The following APC2 variants were observed in gnomAD, a reference collection of about 807,000 sequenced individuals.
APC2 encodes APC regulator of Wnt signaling pathway 2, also known as adenomatous polyposis coli protein 2.
Under a neutral mutation model 72.5 loss-of-function variants are expected in APC2, and 41 were observed. The ratio of observed to expected loss-of-function variants is 0.57; its 90% confidence interval spans 0.44 to 0.73. The LOEUF (loss-of-function observed/expected upper bound fraction) is 0.73, where lower values mean the gene tolerates loss of function less well. APC2 is among the 30% of genes least tolerant of loss of function. APC2 has a pLI of 0.00. For missense variants in APC2, 3,729 were observed against 3,403.4 expected (o/e 1.10, Z -2.38); for synonymous variants, 1,898 against 1,612.0 (o/e 1.18, Z -4.25).
In APC2 at chr19:1,467,210, G is replaced by A. The variant is rs1195572411; in HGVS notation, c.3909G>A (p.Glu1303=). 3 of 1,416,568 alleles carry A rather than the reference G, an allele frequency of 2.1e-6. No individual in the cohort carries two copies. Among genetic ancestry groups the A allele is most frequent in the Admixed American group, 2.7e-5 (1 of 36,810 alleles). 87.7% of individuals were successfully genotyped at this position (1,416,568 alleles called of 1,614,324 possible). A position where few individuals can be genotyped will look rare whatever the true frequency, so the allele number is the denominator to read the frequency against. The part of the protein sequence containing the change: ...ELRLLPSACP[E]RGGGAGGAGL... ...GGCTGCTGCCCTCGGCCTGCCCCGA[G>A]CGCGGCGGGGGCGCCGGGGGCGCCG... The change falls in exon 15 of 15, where the codon GAG becomes GAA. Residue 1303 remains glutamate (E), a synonymous_variant. Transcript: ENST00000590469.
chr19:1,468,020 C>T lies in APC2; in HGVS notation c.4719C>T (p.Thr1573=), dbSNP rs1431895733. ...AGCCCAGCCTCATTGCTGACGAGAC[C>T]CCGCCCTGCTACTCCCTGAGCTCCT... ...RTQPSLIADE[T]PPCYSLSSSA... Residue 1573 remains threonine (T), a synonymous_variant, in exon 15 of 15, where the codon ACC becomes ACT. Transcript: ENST00000590469. 1.3e-6 allele frequency: 2 copies of T among 1,585,864 alleles called. No individual in the cohort carries two copies. The highest frequency in any genetic ancestry group is 1.7e-6 in the Non-Finnish European group (2 of 1,174,844).
intron 1 of APC2, among the ~76,000 whole-genome samples, chr19:1,450,949 C>CT (rs2083735575): frequency 6.6e-6 from 1 of 152,200 alleles, no homozygotes. Flanking sequence ...CCTCCAGCCT[C>CT]TAAGTGAGTC....
intron 10 of APC2, 112 bp downstream of exon 10, chr19:1,458,172 G>A: frequency 1.0e-6 from 1 of 967,702 alleles, no homozygotes; most frequent in South Asian, 1.5e-5. Flanking sequence ...CTGGGGATTG[G>A]AGCCCGGAGA....
Position 1,457,226 on chromosome 19 carries a change from G to T in APC2, c.1190G>T (p.Gly397Val). The stretch of plus-strand genomic sequence containing the variant: ...CAGGCCCGAGACGGCGGGCCCGAGG[G>T]AGGTGGCGCCGGCAGCGGTGAGTGC... ...WLQARDGGPE[G>V]GGAGSAPIPI... is the part of the protein sequence containing the mutation. The change falls in exon 9 of 15, where the codon GGA becomes GTA. Residue 397 changes from glycine (G) to valine (V), a missense_variant. By Grantham distance (109) the Gly-to-Val change is moderately radical (BLOSUM62 -3). Transcript: ENST00000590469. The T allele has an allele frequency of 6.5e-7, 1 of 1,537,760 alleles. No homozygotes were observed.
At position 1,469,638 on chromosome 19, in the gene APC2, G is replaced by A. The variant is rs777432445; in HGVS notation, c.6337G>A (p.Gly2113Ser). The A allele has an allele frequency of 2.4e-5, 30 of 1,230,500 alleles. No individual in the cohort carries two copies. The highest frequency in any genetic ancestry group is 2.9e-5 in the South Asian group (1 of 34,882). The allele number at this position is 1,230,500 out of a possible 1,614,324, so 76.2% of individuals were successfully genotyped here. ...PHISVARRPDGAVPAAPASAD... is the reference protein window; with the variant it reads ...PHISVARRPDSAVPAAPASAD... ...CATCAGCGTGGCCCGCAGGCCCGACGGCGCCGTCCCCGCGGCCCCTGCCTC... is the reference window on the plus strand; with the variant it reads ...CATCAGCGTGGCCCGCAGGCCCGACAGCGCCGTCCCCGCGGCCCCTGCCTC... Residue 2113 changes from glycine (G) to serine (S), a missense_variant, in exon 15 of 15, where the codon GGC becomes AGC. Gly to Ser is a moderately conservative substitution (Grantham distance 56, BLOSUM62 0). Coordinates refer to ENST00000590469, the MANE Select transcript of APC2 (RefSeq NM_005883.3).
At chr19:1,461,561 A>C (rs554045032) in intron 13 of APC2, 33 of 311,578 alleles carry the variant, frequency 1.1e-4, no homozygotes, top group African/African-American at 3.9e-4. Flanking sequence ...TCAAAAAAAC[A>C]ACCTCACTGG....
In APC2 at chr19:1,469,312, T is replaced by G; in HGVS notation, c.6011T>G (p.Leu2004Trp). The G allele has an allele frequency of 7.1e-7, 1 of 1,413,868 alleles. No individual in the cohort carries two copies. The highest frequency in any genetic ancestry group is 9.3e-7 in the Non-Finnish European group (1 of 1,080,608). The allele number at this position is 1,413,868 out of a possible 1,614,324, so 87.6% of individuals were successfully genotyped here. ...ACCTTCATCAAGGAGTCGCCGGGCTTGCGGCGCCGCCGCTCCGAGCTGTCC... is the reference window on the plus strand; with the variant it reads ...ACCTTCATCAAGGAGTCGCCGGGCTGGCGGCGCCGCCGCTCCGAGCTGTCC... Reference protein sequence around the residue: ...QLTFIKESPGLRRRRSELSSA... With the variant: ...QLTFIKESPGWRRRRSELSSA... The change falls in exon 15 of 15, where the codon TTG becomes TGG. Residue 2004 changes from leucine (L) to tryptophan (W), a missense_variant. Transcript: ENST00000590469.
Position 1,456,059 on chromosome 19 carries a change from C to G in APC2, c.640-17C>G, listed in dbSNP as rs1243126084. 1.1e-5 allele frequency: 17 copies of G among 1,548,698 alleles called. No homozygotes were observed. The highest frequency in any genetic ancestry group is 7.7e-5 in the Admixed American group (4 of 51,934). Reference sequence around the variant, plus strand: ...CGGGGTCAGCTCCAGCACTTGCCCTCGTGTGGTCCTGAGCAGATCCGCGCC... The same window carrying G: ...CGGGGTCAGCTCCAGCACTTGCCCTGGTGTGGTCCTGAGCAGATCCGCGCC... On this transcript the variant is annotated splice_polypyrimidine_tract_variant and intron_variant, in intron 6 of 14. Coordinates refer to ENST00000590469, the MANE Select transcript of APC2 (RefSeq NM_005883.3).
intron 10 of APC2, chr19:1,458,401 G>A (rs115864272): frequency 2.8e-4 from 81 of 284,734 alleles, no homozygotes; most frequent in African/African-American, 1.2e-3. Flanking sequence ...GGTGTTTTAC[G>A]TTTGAGGACA....
chr19:1,449,616 T>C (rs2083718922), upstream of APC2, among the ~76,000 whole-genome samples: 2 of 151,914 alleles, frequency 1.3e-5, no homozygotes, highest in South Asian at 2.1e-4. Flanking sequence ...TCCCAGGTGC[T>C]CCCCAGTGGC....
intron 9 of APC2, chr19:1,457,547 T>G: frequency 1.9e-6 from 1 of 523,252 alleles, no homozygotes; most frequent in South Asian, 2.4e-5. Context: ...AAAGTTAATA[T>G]GGGGGCCGGG....
Position 1,452,923 on chromosome 19 carries a change from G to A in APC2, c.-18-61G>A, listed in dbSNP as rs542357368. 5.0e-5 allele frequency: 78 copies of A among 1,562,424 alleles called. No homozygotes were observed. In the South Asian group the frequency reaches 5.2e-4, roughly 10 times the overall value. ...GGCTTAGGTCAGGGGCCGTCTGTCC[G>A]GAAGGCATCACCGCGCCCTCCCCAG... On this transcript the variant is annotated intron_variant, in intron 1 of 14. Transcript: ENST00000590469. This position sits in a 1 kb window ranked among gnomAD's most constrained non-coding sequence, Gnocchi z 5.1.
intron 10 of APC2, among the ~76,000 whole-genome samples, chr19:1,459,187 T>C (rs1424284326): frequency 7.9e-5 from 12 of 152,058 alleles, no homozygotes; most frequent in Admixed American, 7.9e-4. Flanking sequence ...ACCTACGCCA[T>C]AGTCTGTTTG....
At chr19:1,448,869 AAAAG>A (rs952200622), upstream of APC2, among the ~76,000 whole-genome samples, 1 of 151,692 alleles carries the variant, frequency 6.6e-6, no homozygotes, top group Non-Finnish European at 1.5e-5. Flanking sequence ...AAAAAAAAGA[AAAAG>A]AAAAAAGAAA....
chr19:1,473,181 G>GT lies in APC2; in HGVS notation c.*2969dup, dbSNP rs1278053414. On this transcript the variant is annotated 3_prime_UTR_variant, in exon 15 of 15. Coordinates refer to ENST00000590469, the MANE Select transcript of APC2 (RefSeq NM_005883.3). ...CTAAATGTAAAGCCATCTGTCCGGC[G>GT]TAAGGACGACACCGTCAGCTGTCCG... The GT allele has an allele frequency of 6.6e-6, 1 of 152,302 alleles. No homozygotes were observed. Among genetic ancestry groups the GT allele is most frequent in the Non-Finnish European group, 1.5e-5 (1 of 68,066 alleles). 9.4% of individuals were successfully genotyped at this position (152,302 alleles called of 1,614,324 possible). A position where few individuals can be genotyped will look rare whatever the true frequency, so the allele number is the denominator to read the frequency against.
intron 4 of APC2, among the ~76,000 whole-genome samples, chr19:1,454,690 A>T (rs1222590709): frequency 6.6e-6 from 1 of 150,532 alleles, no homozygotes; most frequent in Non-Finnish European, 1.5e-5. Flanking sequence ...CAGCCTCCCG[A>T]GTAGCTGGGA....
Position 1,467,640 on chromosome 19 carries a change from G to A in APC2, c.4339G>A (p.Gly1447Ser). 2 of 1,482,576 alleles carry A rather than the reference G, an allele frequency of 1.3e-6. No individual in the cohort carries two copies. The highest frequency in any genetic ancestry group is 2.3e-5 in the Admixed American group (1 of 43,932). 91.8% of individuals were successfully genotyped at this position (1,482,576 alleles called of 1,614,324 possible). Reference sequence around the variant, plus strand: ...CATGGGGCACCGGCACAAGGCGGGAGGCGCCGGCCGCAGCGCGGAGCAGTC... The same window carrying A: ...CATGGGGCACCGGCACAAGGCGGGAAGCGCCGGCCGCAGCGCGGAGCAGTC... The part of the protein sequence containing the change: ...QAMGHRHKAG[G>S]AGRSAEQSRG... The change falls in exon 15 of 15, where the codon GGC (glycine) becomes AGC (serine). Residue 1447 changes from glycine (G) to serine (S), a missense_variant. By Grantham distance (56) the Gly-to-Ser change is moderately conservative. Transcript: ENST00000590469.
chr19:1,469,774 T>G lies in APC2; in HGVS notation c.6473T>G (p.Leu2158Arg). The G allele has an allele frequency of 6.6e-7, 1 of 1,505,064 alleles. No homozygotes were observed. The highest frequency in any genetic ancestry group is 1.2e-5 in the South Asian group (1 of 82,328). The allele number at this position is 1,505,064 out of a possible 1,614,324, so 93.2% of individuals were successfully genotyped here. The change falls in exon 15 of 15, where the codon CTG becomes CGG. Residue 2158 changes from leucine (L) to arginine (R), a missense_variant. Physicochemically the swap from Leu to Arg is moderately radical, Grantham distance 102. Coordinates refer to ENST00000590469, the MANE Select transcript of APC2 (RefSeq NM_005883.3). ...RIRDEDVPHI[L>R]RSTLPATALP... ...CGAGATGAGGACGTGCCCCACATCC[T>G]GCGCAGCACGCTTCCCGCCACGGCC...
intron 10 of APC2, chr19:1,458,723 T>C (rs1260878062): frequency 6.6e-6 from 1 of 152,184 alleles, no homozygotes; most frequent in African/African-American, 2.4e-5. Context: ...AGTCTTGCTG[T>C]AACTTTTTTT....
Sources: gnomAD v4.1 joint callset for allele counts (sites outside exome capture counted in the v4.1 genomes callset) on GRCh38, gnomAD v4.1.1 for gene constraint, Gnocchi (gnomAD v3.1) non-coding constraint, MANE v1.5 for transcripts, NCBI Gene and HGNC (gene_info 2026-07-23, HGNC 2026-07-21) for gene names.